The following SRPRA variants were observed in gnomAD, a reference collection of about 807,000 sequenced individuals.
The protein encoded by SRPRA is SRP receptor subunit alpha.
Under a neutral mutation model 61.1 loss-of-function variants are expected in SRPRA, and 30 were observed. That is an observed-to-expected ratio of 0.49 (90% CI 0.37 to 0.67). The LOEUF is 0.67. SRPRA is among the 30% of genes least tolerant of loss of function. The probability of loss-of-function intolerance (pLI) is 0.00; values close to 1 mark genes in which losing one functional copy is unlikely to be tolerated. For synonymous variants in SRPRA, 324 were observed against 299.7 expected, an observed-to-expected ratio of 1.08 and a Z score of -0.84; for missense variants, 759 against 828.4, an observed-to-expected ratio of 0.92 and a Z score of 1.03.
chr11:126,253,306 C>T, the SRPRA span, among the ~76,000 whole-genome samples: 638 of 152,256 alleles, frequency 4.2e-3, 6 homozygotes, highest in African/African-American at 0.015. This position sits in a 1 kb window ranked among gnomAD's most constrained non-coding sequence, Gnocchi z 5.1. Flanking sequence ...GGCCTAGTAA[C>T]ATTCAAATTC....
At chr11:126,254,262 C>T in the SRPRA span, 37 of 1,598,764 alleles carry the variant, frequency 2.3e-5, no homozygotes, top group Non-Finnish European at 3.1e-5. Flanking sequence ...TAAACAGGTG[C>T]TCAGCCCTGC....
Position 126,264,494 on chromosome 11 carries a change from C to T in SRPRA, c.1571G>A (p.Arg524His), listed in dbSNP as rs765143533. 3.7e-6 allele frequency: 6 copies of T among 1,613,754 alleles called. No homozygotes were observed. The highest frequency in any genetic ancestry group is 1.7e-5 in the Admixed American group (1 of 60,012). ...FDVVLVDTAG[R>H]MQDNAPLMTA... ...CATCAGAGGGGCATTGTCTTGCATG[C>T]GGCCTGCCGTGTCCACCAGCACCAC... The change falls in exon 12 of 14, where the codon CGC (arginine) becomes CAC (histidine). Residue 524 changes from arginine (R) to histidine (H), a missense_variant. This residue lies in a region of SRPRA where 284 missense variants were observed against 365.9 expected (regional missense o/e 0.78). Coordinates refer to ENST00000332118, the MANE Select transcript of SRPRA (RefSeq NM_003139.4). This position sits in a 1 kb window ranked among gnomAD's most constrained non-coding sequence, Gnocchi z 5.0.
chr11:126,237,515 G>A, the SRPRA span, among the ~76,000 whole-genome samples: 5 of 143,860 alleles, frequency 3.5e-5, no homozygotes, highest in African/African-American at 1.2e-4. Context: ...TGGGATGACA[G>A]GCGTGAGCCA....
At position 126,267,002 on chromosome 11, in the gene SRPRA, T is replaced by C; in HGVS notation, c.527-80A>G. ...CAATGGCTAAAAGTCTTCCAAATTG[T>C]TCAAAGGAAATTTGGACCAAACATC... On this transcript the variant is annotated intron_variant, in intron 4 of 13. Coordinates refer to ENST00000332118, the MANE Select transcript of SRPRA (RefSeq NM_003139.4). The surrounding 1 kb of genome is among the most constrained non-coding windows in gnomAD (Gnocchi z 4.2). 6.4e-7 allele frequency: 1 copy of C among 1,550,712 alleles called. No individual in the cohort carries two copies. The highest frequency in any genetic ancestry group is 8.7e-7 in the Non-Finnish European group (1 of 1,151,998).
chr11:126,259,920 CTG>C (rs564594144), downstream of SRPRA, among the ~76,000 whole-genome samples: 88 of 151,742 alleles, frequency 5.8e-4, no homozygotes, highest in African/African-American at 2.1e-3. Context: ...CAGCGTTTCA[CTG>C]TGTTAGCCAG....
chr11:126,262,121 C>CTGT (rs1444550260), downstream of SRPRA: 23 of 1,613,966 alleles, frequency 1.4e-5, no homozygotes, highest in Admixed American at 3.8e-4. Flanking sequence ...TCCCTACAGG[C>CTGT]TGTAGTACAT....
At position 126,264,519 on chromosome 11, in the gene SRPRA, C is replaced by T. The variant is rs1345189937; in HGVS notation, c.1546G>A (p.Val516Met). 5 of 1,613,380 alleles carry T rather than the reference C, an allele frequency of 3.1e-6. No homozygotes were observed. The highest frequency in any genetic ancestry group is 2.2e-5 in the East Asian group (1 of 44,882). Residue 516 changes from valine to methionine, a missense_variant, in exon 12 of 14, where the codon GTG (valine) becomes ATG (methionine). By Grantham distance (21) the Val-to-Met change is conservative. This residue lies in a region of SRPRA where 284 missense variants were observed against 365.9 expected (regional missense o/e 0.78). Transcript: ENST00000332118. The surrounding 1 kb of genome is among the most constrained non-coding windows in gnomAD (Gnocchi z 5.0). Reference protein sequence around the residue: ...IAFARNQGFDVVLVDTAGRMQ... With the variant: ...IAFARNQGFDMVLVDTAGRMQ... ...CGGCCTGCCGTGTCCACCAGCACCA[C>T]GTCAAAGCCTTGGTTACGTGCTAGA...
At chr11:126,256,779 T>TA in the SRPRA span, 8 of 1,611,438 alleles carry the variant, frequency 5.0e-6, no homozygotes, top group East Asian at 6.7e-5. This position sits in a 1 kb window ranked among gnomAD's most constrained non-coding sequence, Gnocchi z 6.6. Flanking sequence ...TCATCTCCTA[T>TA]GGAGATGACT....
the SRPRA span, chr11:126,250,610 A>T: frequency 6.2e-7 from 1 of 1,613,978 alleles, no homozygotes; most frequent in Non-Finnish European, 8.5e-7. The surrounding 1 kb of genome is among the most constrained non-coding windows in gnomAD (Gnocchi z 5.1). Context: ...TACTTCAGTC[A>T]GTTCTCCACC....
chr11:126,243,628 G>C, the SRPRA span, among the ~76,000 whole-genome samples: 2 of 152,126 alleles, frequency 1.3e-5, no homozygotes, highest in African/African-American at 4.8e-5. Flanking sequence ...ATCAGGCCAG[G>C]TGCGGTGGCT....
chr11:126,240,550 A>C, the SRPRA span, among the ~76,000 whole-genome samples: 7 of 152,144 alleles, frequency 4.6e-5, no homozygotes, highest in Non-Finnish European at 7.4e-5. Flanking sequence ...AGGAAGGGAA[A>C]ACTGATTTTA....
chr11:126,266,959 C>A, intron 4 of SRPRA, 37 bp from the exon 5 acceptor site: 2 of 1,598,612 alleles, frequency 1.3e-6, no homozygotes, highest in Non-Finnish European at 1.7e-6. Flanking sequence ...AAAAAGAAGA[C>A]CAATCCCAAC....
rs1368212873 is a variant in SRPRA, at chr11:126,265,785, C to G, written c.1090G>C (p.Glu364Gln). 1 of 1,614,096 alleles carries G rather than the reference C, an allele frequency of 6.2e-7. No individual in the cohort carries two copies. Among genetic ancestry groups the G allele is most frequent in the Non-Finnish European group, 8.5e-7 (1 of 1,180,040 alleles). ...VAADIAVQLC[E>Q]SVANKLEGKV... ...CCTTCCAACTTGTTGGCAACAGATTCACAGAGCTGGACGGCAATGTCTGCA... is the reference window on the plus strand; with the variant it reads ...CCTTCCAACTTGTTGGCAACAGATTGACAGAGCTGGACGGCAATGTCTGCA... The change falls in exon 9 of 14, where the codon GAA (glutamate) becomes CAA (glutamine). Residue 364 changes from glutamate (E) to glutamine (Q), a missense_variant. This residue lies in a region of SRPRA where 475 missense variants were observed against 462.5 expected (regional missense o/e 1.03). Transcript: ENST00000332118. The surrounding 1 kb of genome is among the most constrained non-coding windows in gnomAD (Gnocchi z 6.3).
downstream of SRPRA, among the ~76,000 whole-genome samples, chr11:126,261,834 T>A (rs926511493): frequency 1.2e-4 from 18 of 151,970 alleles, no homozygotes; most frequent in East Asian, 7.7e-4. Flanking sequence ...ACAAAAAAAA[T>A]TTTTTTAAAT....
At chr11:126,259,586 C>T (rs1233863387), downstream of SRPRA, among the ~76,000 whole-genome samples, 4 of 151,870 alleles carry the variant, frequency 2.6e-5, no homozygotes, top group Admixed American at 6.6e-5. Flanking sequence ...CCACCATGCC[C>T]GGCTAATTTT....
At chr11:126,251,474 C>T in the SRPRA span, among the ~76,000 whole-genome samples, 1 of 152,174 alleles carries the variant, frequency 6.6e-6, no homozygotes, top group African/African-American at 2.4e-5. Context: ...TGTGGTTTTG[C>T]TGACCTTGAT....
downstream of SRPRA, among the ~76,000 whole-genome samples, chr11:126,258,107 TAGG>T (rs1565341450): frequency 6.6e-6 from 1 of 152,180 alleles, no homozygotes. Context: ...GAATGCATCT[TAGG>T]AGGGCAAAAG....
the SRPRA span, among the ~76,000 whole-genome samples, chr11:126,253,145 G>A: frequency 6.6e-6 from 1 of 152,178 alleles, no homozygotes; most frequent in Non-Finnish European, 1.5e-5. The surrounding 1 kb of genome is among the most constrained non-coding windows in gnomAD (Gnocchi z 5.1). Context: ...AGAAGCATAA[G>A]GACCTTTTAA....
At chr11:126,261,475 G>A, downstream of SRPRA, 1 of 1,612,428 alleles carries the variant, frequency 6.2e-7, no homozygotes, top group Non-Finnish European at 8.5e-7. Flanking sequence ...AGCACACAGT[G>A]AAATAAGAGG....
Sources: gnomAD v4.1 joint callset for allele counts (sites outside exome capture counted in the v4.1 genomes callset) on GRCh38, gnomAD v4.1.1 for gene constraint, gnomAD v4.1.1 regional missense constraint, Gnocchi (gnomAD v3.1) non-coding constraint, MANE v1.5 for transcripts, NCBI Gene and HGNC (gene_info 2026-07-23, HGNC 2026-07-21) for gene names.